The following UBE2H variants were observed in gnomAD, a reference collection of about 807,000 sequenced individuals.
UBE2H encodes ubiquitin conjugating enzyme E2 H, also known as ubiquitin-conjugating enzyme E2 H.
In UBE2H, 3 loss-of-function variants were observed where a neutral mutation model predicts 29.0. That is an observed-to-expected ratio of 0.10 (90% CI 0.05 to 0.27). The LOEUF (loss-of-function observed/expected upper bound fraction) is 0.27. Among genes scored for constraint, UBE2H ranks in the 10% least tolerant of loss-of-function variants. The pLI is 1.00. For synonymous variants in UBE2H, 69 were observed against 82.9 expected, an observed-to-expected ratio of 0.83 and a Z score of 0.91; for missense variants, 68 against 228.2, an observed-to-expected ratio of 0.30 and a Z score of 4.52.
rs1471021803 is a variant in UBE2H, at chr7:129,891,935, T to TA, written c.54-10965dup. ...TTTCCTACATTCTTAAGCAGAATACTAAAAAAACATGCTACACCTTTTTTT... is the reference window on the plus strand; with the variant it reads ...TTTCCTACATTCTTAAGCAGAATACTAAAAAAAACATGCTACACCTTTTTTT... On this transcript the variant is annotated intron_variant, in intron 1 of 6. Coordinates refer to ENST00000355621, the MANE Select transcript of UBE2H (RefSeq NM_003344.4). 2.7e-5 allele frequency among the ~76,000 whole-genome samples: 4 copies of TA among 148,658 alleles called. No individual in the cohort carries two copies. The East Asian group carries it at 5.9e-4, about 22-fold the overall frequency.
At chr7:129,847,017 T>G (rs909132211) in intron 5 of UBE2H, among the ~76,000 whole-genome samples, 3 of 144,506 alleles carry the variant, frequency 2.1e-5, no homozygotes, top group African/African-American at 7.9e-5. Context: ...ATTATTATTA[T>G]TATTATTATT....
At chr7:129,923,400 C>T (rs1807205225) in intron 1 of UBE2H, among the ~76,000 whole-genome samples, 1 of 152,172 alleles carries the variant, frequency 6.6e-6, no homozygotes, top group African/African-American at 2.4e-5. Flanking sequence ...TTACTACCAA[C>T]CCAGAGTTTG....
chr7:129,868,506 G>A (rs1407669213), intron 3 of UBE2H, among the ~76,000 whole-genome samples: 1 of 148,972 alleles, frequency 6.7e-6, no homozygotes, highest in African/African-American at 2.5e-5. Context: ...CGTGAACCCG[G>A]GAAGCGGAGC....
intron 1 of UBE2H, among the ~76,000 whole-genome samples, chr7:129,918,669 G>A (rs567879454): frequency 6.6e-6 from 1 of 152,332 alleles, no homozygotes; most frequent in South Asian, 2.1e-4. Flanking sequence ...CACCTGTGAA[G>A]ACCATTTGTT....
At chr7:129,886,429 G>A (rs1806360536) in intron 1 of UBE2H, among the ~76,000 whole-genome samples, 1 of 152,146 alleles carries the variant, frequency 6.6e-6, no homozygotes, top group Admixed American at 6.5e-5. Flanking sequence ...TTTTACAAGT[G>A]ATTTTTATAC....
chr7:129,875,995 C>T (rs1424930540), intron 3 of UBE2H, among the ~76,000 whole-genome samples: 1 of 152,188 alleles, frequency 6.6e-6, no homozygotes, highest in Non-Finnish European at 1.5e-5. Flanking sequence ...CTTGTAGAAA[C>T]TTATGTCTTC....
chr7:129,946,223 T>TC (rs1807761834), intron 1 of UBE2H, among the ~76,000 whole-genome samples: 2 of 125,678 alleles, frequency 1.6e-5, no homozygotes, highest in Admixed American at 8.1e-5. Flanking sequence ...CGGCTAATTT[T>TC]TTTTTTTTTG....
chr7:129,952,748 G>T lies in UBE2H; in HGVS notation c.-193C>A. ...GGGCACTGTCCGGCCGGGTGGGGGT[G>T]GGGACCCTGCGGCGCCCGGCTCGGG... On this transcript the variant is annotated 5_prime_UTR_variant, in exon 1 of 7. Coordinates refer to ENST00000355621, the MANE Select transcript of UBE2H (RefSeq NM_003344.4). 2.1e-6 allele frequency: 1 copy of T among 483,156 alleles called. No individual in the cohort carries two copies. The highest frequency in any genetic ancestry group is 8.3e-5 in the South Asian group (1 of 12,106). 29.9% of individuals were successfully genotyped at this position (483,156 alleles called of 1,614,324 possible).
At chr7:129,938,413 CAAAAA>C (rs34454670) in intron 1 of UBE2H, among the ~76,000 whole-genome samples, 9 of 38,038 alleles carry the variant, frequency 2.4e-4, no homozygotes, top group South Asian at 2.3e-3. Context: ...CTGCCTCATT[CAAAAA>C]AAAAAAAAAA....
At chr7:129,836,951 G>C (rs1042714168) in intron 6 of UBE2H, among the ~76,000 whole-genome samples, 3 of 143,922 alleles carry the variant, frequency 2.1e-5, no homozygotes, top group African/African-American at 5.1e-5. Context: ...CAGTATCAGA[G>C]AGCCCTGAAT....
chr7:129,884,213 C>T (rs1391442247), intron 1 of UBE2H, among the ~76,000 whole-genome samples: 4 of 152,028 alleles, frequency 2.6e-5, no homozygotes, highest in South Asian at 2.1e-4. Flanking sequence ...GTCAGGAGAT[C>T]GAGACCATCC....
At chr7:129,853,683 G>C (rs1206560170) in intron 5 of UBE2H, among the ~76,000 whole-genome samples, 2 of 152,190 alleles carry the variant, frequency 1.3e-5, no homozygotes, top group African/African-American at 4.8e-5. Flanking sequence ...ACTTGGCAAA[G>C]AGAAAACAGG....
At chr7:129,893,604 CA>C (rs959942454) in intron 1 of UBE2H, among the ~76,000 whole-genome samples, 1 of 151,942 alleles carries the variant, frequency 6.6e-6, no homozygotes, top group African/African-American at 2.4e-5. Context: ...ATAGTCAAAA[CA>C]AAAAATAAGA....
At chr7:129,931,792 C>T (rs571589796) in intron 1 of UBE2H, among the ~76,000 whole-genome samples, 1 of 150,750 alleles carries the variant, frequency 6.6e-6, no homozygotes, top group Non-Finnish European at 1.5e-5. Flanking sequence ...ATTGTACCAA[C>T]GAACTTTTCA....
intron 2 of UBE2H, among the ~76,000 whole-genome samples, chr7:129,880,115 C>T (rs749556361): frequency 3.9e-5 from 6 of 152,074 alleles, no homozygotes; most frequent in Admixed American, 6.6e-5. Flanking sequence ...TCTGCAGGTT[C>T]CACACCCCTG....
At chr7:129,927,814 A>T (rs1584791380) in intron 1 of UBE2H, among the ~76,000 whole-genome samples, 1 of 152,110 alleles carries the variant, frequency 6.6e-6, no homozygotes, top group Admixed American at 6.6e-5. Context: ...TCTGGTGGGG[A>T]GGTAGCCAGA....
intron 1 of UBE2H, among the ~76,000 whole-genome samples, chr7:129,951,722 GA>G (rs1471429295): frequency 6.6e-6 from 1 of 152,176 alleles, no homozygotes; most frequent in Non-Finnish European, 1.5e-5. Flanking sequence ...CCTCACAGAG[GA>G]AGTTTTGCCC....
chr7:129,854,060 G>GTTTTTTTTTGTT (rs1554430937), intron 5 of UBE2H, among the ~76,000 whole-genome samples: 12 of 100,282 alleles, frequency 1.2e-4, no homozygotes, highest in African/African-American at 4.8e-4. Flanking sequence ...TTTAGTGTTA[G>GTTTTTTTTTGTT]TTTTTTTTTT....
At chr7:129,875,886 A>C (rs1463948737) in intron 3 of UBE2H, among the ~76,000 whole-genome samples, 1 of 152,200 alleles carries the variant, frequency 6.6e-6, no homozygotes, top group African/African-American at 2.4e-5. Context: ...ATAAAACAAA[A>C]TCTTCATGAA....
Sources: allele counts gnomAD v4.1 joint callset (sites outside exome capture counted in the v4.1 genomes callset), GRCh38; gene constraint gnomAD v4.1.1; transcripts MANE v1.5; gene names NCBI Gene and HGNC (gene_info 2026-07-23, HGNC 2026-07-21).